Variants in MYCBP2 observed in about 807,000 individuals in gnomAD.
MYCBP2 encodes MYC binding protein 2.
In MYCBP2, 120 loss-of-function variants were observed where a neutral mutation model predicts 525.3. The ratio of observed to expected loss-of-function variants is 0.23; its 90% CI spans 0.20 to 0.27. MYCBP2 has a LOEUF of 0.27. Ranked by LOEUF, MYCBP2 falls within the 10% of genes least tolerant of loss-of-function variation. The pLI is 1.00. For synonymous variants in MYCBP2, 1,894 were observed against 1,955.8 expected (o/e 0.97, Z 0.83); for missense variants, 4,149 against 5,657.1 (o/e 0.73, Z 8.55).
At chr13:77,286,188 C>G (rs1440058734) in intron 3 of MYCBP2, among the ~76,000 whole-genome samples, 1 of 152,118 alleles carries the variant, frequency 6.6e-6, no homozygotes, top group Non-Finnish European at 1.5e-5. Flanking sequence ...AGAACTCAGA[C>G]CAGGTTCCAT....
At chr13:77,179,456 G>T (rs776734584) in intron 34 of MYCBP2, among the ~76,000 whole-genome samples, 3 of 152,092 alleles carry the variant, frequency 2.0e-5, no homozygotes, top group Admixed American at 6.5e-5. Context: ...CAGTGAAATG[G>T]AATAATGTTA....
intron 3 of MYCBP2, among the ~76,000 whole-genome samples, chr13:77,284,942 A>G (rs1338487997): frequency 6.6e-6 from 1 of 152,336 alleles, no homozygotes; most frequent in Admixed American, 6.5e-5. Flanking sequence ...GAACCCCAGC[A>G]GTTTGGCTCC....
chr13:77,319,815 C>G (rs886073274), intron 1 of MYCBP2, among the ~76,000 whole-genome samples: 4 of 152,164 alleles, frequency 2.6e-5, no homozygotes, highest in African/African-American at 9.7e-5. Flanking sequence ...TGCCAGCCAG[C>G]CAGCCAATAA....
chr13:77,115,188 A>G (rs1279094027), intron 55 of MYCBP2, among the ~76,000 whole-genome samples: 5 of 151,916 alleles, frequency 3.3e-5, no homozygotes, highest in Non-Finnish European at 7.4e-5. Flanking sequence ...TGTGATGTGT[A>G]AGACACTGTC....
chr13:77,185,509 AGAGATT>A (rs1281819949), intron 31 of MYCBP2, 132 bp from the exon 32 acceptor site: 2 of 1,020,502 alleles, frequency 2.0e-6, no homozygotes, highest in Non-Finnish European at 2.8e-6. Context: ...GAAACAACTT[AGAGATT>A]AAGTGTAGTC....
At chr13:77,269,129 T>C (rs965428113) in intron 7 of MYCBP2, among the ~76,000 whole-genome samples, 1 of 152,154 alleles carries the variant, frequency 6.6e-6, no homozygotes, top group Non-Finnish European at 1.5e-5. Context: ...TCTGACTATG[T>C]TGGTCAGGAG....
chr13:77,073,085 G>A (rs951582850), intron 68 of MYCBP2, among the ~76,000 whole-genome samples: 8 of 151,798 alleles, frequency 5.3e-5, no homozygotes, highest in Admixed American at 3.3e-4. Context: ...AACTATCGTC[G>A]TCAGTCAATA....
chr13:77,314,463 C>T (rs543674636), intron 1 of MYCBP2, among the ~76,000 whole-genome samples: 12 of 152,112 alleles, frequency 7.9e-5, no homozygotes, highest in African/African-American at 2.7e-4. Flanking sequence ...AAGTCTCATA[C>T]ACAAAAAAAG....
chr13:77,139,956 C>A, intron 51 of MYCBP2, 91 bp downstream of exon 51: 1 of 748,546 alleles, frequency 1.3e-6, no homozygotes, highest in South Asian at 2.4e-5. Flanking sequence ...AAAACATATT[C>A]TGACAAAAAA....
intron 26 of MYCBP2, among the ~76,000 whole-genome samples, chr13:77,200,722 A>G (rs1014468761): frequency 2.2e-4 from 34 of 152,216 alleles, no homozygotes; most frequent in African/African-American, 7.2e-4. Flanking sequence ...GCCAGAAGAG[A>G]GTGGGGGCCA....
chr13:77,323,666 C>A (rs2081962001), intron 1 of MYCBP2, among the ~76,000 whole-genome samples: 1 of 152,218 alleles, frequency 6.6e-6, no homozygotes, highest in African/African-American at 2.4e-5. Context: ...GAGACTTTGT[C>A]TATCTTGCTC....
intron 4 of MYCBP2, among the ~76,000 whole-genome samples, chr13:77,278,443 T>C (rs1001149236): frequency 8.5e-5 from 13 of 152,222 alleles, no homozygotes; most frequent in African/African-American, 2.9e-4. Flanking sequence ...CTAGAACTTA[T>C]ACCCCTGCTG....
At chr13:77,272,566 GA>G in intron 5 of MYCBP2, among the ~76,000 whole-genome samples, 1 of 152,234 alleles carries the variant, frequency 6.6e-6, no homozygotes, top group South Asian at 2.1e-4. Flanking sequence ...GCCAAACCCT[GA>G]AAGCATGTCT....
rs775400229 is a variant in MYCBP2, at chr13:77,055,752, T to C, written c.13453A>G (p.Ile4485Val). 5.1e-5 allele frequency: 82 copies of C among 1,611,164 alleles called. No homozygotes were observed. The highest frequency in any genetic ancestry group is 1.6e-4 in the Middle Eastern group (1 of 6,080). ...CPICKNKINHIVLKDLLDPIK... is the reference protein window; with the variant it reads ...CPICKNKINHVVLKDLLDPIK... Reference sequence around the variant, plus strand: ...GGATCAAGTAGGTCTTTTAGTACTATGTGATTAATTTTGTTCTGCAATAAA... The same window carrying C: ...GGATCAAGTAGGTCTTTTAGTACTACGTGATTAATTTTGTTCTGCAATAAA... The change falls in exon 80 of 83, where the codon ATA becomes GTA. Residue 4485 changes from isoleucine (I) to valine (V), a missense_variant. By Grantham distance (29) the Ile-to-Val change is conservative. This residue lies in a region of MYCBP2 where 220 missense variants were observed against 396.0 expected (regional missense o/e 0.56). Transcript: ENST00000544440.
At chr13:77,155,614 A>G (rs1237331074) in intron 46 of MYCBP2, among the ~76,000 whole-genome samples, 2 of 152,268 alleles carry the variant, frequency 1.3e-5, no homozygotes, top group Non-Finnish European at 1.5e-5. Flanking sequence ...TTCTTTTACA[A>G]TCTAAACTCA....
chr13:77,308,297 G>C (rs1178239718), intron 1 of MYCBP2, among the ~76,000 whole-genome samples: 2 of 152,056 alleles, frequency 1.3e-5, no homozygotes, highest in African/African-American at 4.8e-5. Flanking sequence ...CTCTAACCCA[G>C]GGCCTTACTC....
At chr13:77,165,143 G>A in intron 42 of MYCBP2, 130 bp downstream of exon 42, 3 of 704,294 alleles carry the variant, frequency 4.3e-6, no homozygotes, top group Non-Finnish European at 7.4e-6. Flanking sequence ...TTACAGGTGT[G>A]AGCCACTGCA....
intron 68 of MYCBP2, among the ~76,000 whole-genome samples, chr13:77,072,900 T>G (rs1041648748): frequency 2.0e-5 from 3 of 152,198 alleles, no homozygotes; most frequent in Non-Finnish European, 4.4e-5. Flanking sequence ...GCTACTTAAG[T>G]ACTAGTTAGA....
chr13:77,232,480 T>G (rs1446232416), intron 18 of MYCBP2, among the ~76,000 whole-genome samples: 5 of 152,294 alleles, frequency 3.3e-5, no homozygotes, highest in East Asian at 3.9e-4. Context: ...AAAATAAGCA[T>G]GCTTTAAGAA....
Sources: allele counts gnomAD v4.1 joint callset (sites outside exome capture counted in the v4.1 genomes callset), GRCh38; gene constraint gnomAD v4.1.1; regional missense constraint gnomAD v4.1.1; transcripts MANE v1.5; gene names NCBI Gene and HGNC (gene_info 2026-07-23, HGNC 2026-07-21).